Variants in GOLIM4 observed in about 807,000 individuals in gnomAD.
GOLIM4 encodes golgi integral membrane protein 4.
In GOLIM4, 71 loss-of-function variants were observed where a neutral mutation model predicts 107.4. The ratio of observed to expected loss-of-function variants is 0.66; its 90% CI spans 0.55 to 0.81. The LOEUF is 0.81. Ranked by LOEUF, GOLIM4 falls within the 30% of genes least tolerant of loss-of-function variation. The pLI, the probability that GOLIM4 is intolerant of heterozygous loss-of-function variation, is 0.00. For synonymous variants in GOLIM4, 327 were observed against 294.8 expected, an observed-to-expected ratio of 1.11 and a Z score of -1.12; for missense variants, 830 against 826.1, an observed-to-expected ratio of 1.00 and a Z score of -0.06.
intron 1 of GOLIM4, among the ~76,000 whole-genome samples, chr3:168,073,973 T>C (rs2108281264): frequency 6.6e-6 from 1 of 152,292 alleles, no homozygotes; most frequent in African/African-American, 2.4e-5. Context: ...CCAAGTGGTG[T>C]TATGTCACCA....
At position 168,047,045 on chromosome 3, in the gene GOLIM4, G is replaced by C. The variant is rs376867411; in HGVS notation, c.263-46C>G. On this transcript the variant is annotated intron_variant, in intron 2 of 15. Coordinates refer to ENST00000470487, the MANE Select transcript of GOLIM4 (RefSeq NM_014498.5). ...AAAAACAGTGATAATTCACTACACA[G>C]ATTTTAAACATCTAAAGAAATAAAG... The C allele has an allele frequency of 2.0e-5, 17 of 871,216 alleles. No homozygotes were observed. The East Asian group carries it at 2.0e-4, about 10-fold the overall frequency. The allele number at this position is 871,216 out of a possible 1,614,324, so 54.0% of individuals were successfully genotyped here. A position where few individuals can be genotyped will look rare whatever the true frequency, so the allele number is the denominator to read the frequency against.
At position 168,095,276 on chromosome 3, in the gene GOLIM4, C is replaced by T; in HGVS notation, c.10G>A (p.Gly4Arg). 3 of 1,612,452 alleles carry T rather than the reference C, an allele frequency of 1.9e-6. No individual in the cohort carries two copies. The highest frequency in any genetic ancestry group is 2.2e-5 in the South Asian group (2 of 90,966). MGN[G>R]MCSRKQKRIF... ...CGCTTCTGCTTTCGGGAGCACATCC[C>T]GTTTCCCATAGTCCCGCCTGGACCC... Residue 4 changes from glycine to arginine, a missense_variant, in exon 1 of 16, where the codon GGG (glycine) becomes AGG (arginine). By Grantham distance (125) the Gly-to-Arg change is moderately radical (BLOSUM62 -2). Coordinates refer to ENST00000470487, the MANE Select transcript of GOLIM4 (RefSeq NM_014498.5).
At chr3:168,039,153 T>G (rs1021642823) in intron 7 of GOLIM4, among the ~76,000 whole-genome samples, 1 of 151,986 alleles carries the variant, frequency 6.6e-6, no homozygotes, top group Non-Finnish European at 1.5e-5. Flanking sequence ...TAATTAAGGA[T>G]TGCACCTAGT....
chr3:168,071,770 G>T (rs1196360234), intron 1 of GOLIM4, among the ~76,000 whole-genome samples: 1 of 151,900 alleles, frequency 6.6e-6, no homozygotes. Context: ...GGTAATTCAT[G>T]GATGCTGTAG....
At chr3:168,033,606 C>CAA (rs61728774) in intron 8 of GOLIM4, among the ~76,000 whole-genome samples, 1,474 of 31,294 alleles carry the variant, frequency 0.047, 470 homozygotes, top group Middle Eastern at 0.13. Flanking sequence ...GACTCCGTCT[C>CAA]AAAAAAAAAA....
Position 168,027,724 on chromosome 3 carries a change from T to C in GOLIM4, c.1623+4A>G. Reference sequence around the variant, plus strand: ...GTGTCAGGGGCAGAAGAGAGGATACTTACATCTGCCTCAGATTCTGGGTCG... The same window carrying C: ...GTGTCAGGGGCAGAAGAGAGGATACCTACATCTGCCTCAGATTCTGGGTCG... On this transcript the variant is annotated splice_donor_region_variant and intron_variant, in intron 12 of 15. Transcript: ENST00000470487. 1.9e-6 allele frequency: 3 copies of C among 1,564,048 alleles called. No homozygotes were observed. The highest frequency in any genetic ancestry group is 2.7e-5 in the African/African-American group (2 of 74,086).
At chr3:168,073,939 G>A (rs539253536) in intron 1 of GOLIM4, among the ~76,000 whole-genome samples, 10 of 152,238 alleles carry the variant, frequency 6.6e-5, no homozygotes, top group African/African-American at 1.4e-4. Flanking sequence ...CCATAATGGG[G>A]CTGGCTGACT....
At chr3:168,034,531 G>T (rs951170217) in intron 8 of GOLIM4, among the ~76,000 whole-genome samples, 1 of 152,204 alleles carries the variant, frequency 6.6e-6, no homozygotes, top group Admixed American at 6.5e-5. Context: ...GCTCATATAT[G>T]AAGTCTACTC....
intron 1 of GOLIM4, among the ~76,000 whole-genome samples, chr3:168,058,174 T>C (rs1720080423): frequency 6.6e-6 from 1 of 152,222 alleles, no homozygotes; most frequent in African/African-American, 2.4e-5. Context: ...AAAGTTACTG[T>C]AATAGTTCAC....
intron 1 of GOLIM4, among the ~76,000 whole-genome samples, chr3:168,061,229 T>C (rs1720256618): frequency 6.6e-6 from 1 of 151,960 alleles, no homozygotes; most frequent in Non-Finnish European, 1.5e-5. Context: ...AGTGCTCAAC[T>C]AAATTAGTTA....
chr3:168,074,513 A>G (rs1280712971), intron 1 of GOLIM4, among the ~76,000 whole-genome samples: 1 of 152,216 alleles, frequency 6.6e-6, no homozygotes, highest in African/African-American at 2.4e-5. Flanking sequence ...GAACAGCTAA[A>G]AAGCCCACAT....
At chr3:168,073,238 T>C (rs891349879) in intron 1 of GOLIM4, among the ~76,000 whole-genome samples, 3 of 152,232 alleles carry the variant, frequency 2.0e-5, no homozygotes, top group East Asian at 1.9e-4. Context: ...TCCTTACCAA[T>C]AGGACTTCTT....
intron 8 of GOLIM4, 29 bp downstream of exon 8, chr3:168,036,807 A>C: frequency 6.4e-7 from 1 of 1,559,986 alleles, no homozygotes; most frequent in Non-Finnish European, 8.7e-7. Context: ...AAGTGACCTA[A>C]CCATAGATTA....
intron 15 of GOLIM4, 72 bp from the exon 16 acceptor site, chr3:168,010,490 CA>C: frequency 9.1e-7 from 1 of 1,094,744 alleles, no homozygotes; most frequent in Non-Finnish European, 1.3e-6. Flanking sequence ...TCTCTAAAAA[CA>C]GGATGAAAAA....
At chr3:168,074,345 A>G (rs1478991630) in intron 1 of GOLIM4, among the ~76,000 whole-genome samples, 1 of 152,250 alleles carries the variant, frequency 6.6e-6, no homozygotes, top group Non-Finnish European at 1.5e-5. Flanking sequence ...TACATGACAA[A>G]TAACTAGTCA....
intron 1 of GOLIM4, among the ~76,000 whole-genome samples, chr3:168,077,847 T>C (rs1048750455): frequency 1.3e-5 from 2 of 152,176 alleles, no homozygotes; most frequent in African/African-American, 2.4e-5. Context: ...AACTATAATA[T>C]ACAGAATAAG....
chr3:168,089,789 G>T (rs1486777025), intron 1 of GOLIM4, among the ~76,000 whole-genome samples: 14 of 139,060 alleles, frequency 1.0e-4, no homozygotes, highest in Admixed American at 6.3e-4. Context: ...TTTTTTTTGA[G>T]ACAGAGTCTC....
chr3:168,046,473 G>A (rs1466164246), intron 3 of GOLIM4, among the ~76,000 whole-genome samples: 2 of 152,196 alleles, frequency 1.3e-5, no homozygotes, highest in East Asian at 1.9e-4. Flanking sequence ...TGTGTCCCTG[G>A]GTACTTGAGA....
At chr3:168,039,625 T>A (rs1355799106) in intron 7 of GOLIM4, among the ~76,000 whole-genome samples, 1 of 152,160 alleles carries the variant, frequency 6.6e-6, no homozygotes, top group Non-Finnish European at 1.5e-5. Context: ...ACTCCAGAAT[T>A]TGGTTTTGGT....
Sources: allele counts gnomAD v4.1 joint callset (sites outside exome capture counted in the v4.1 genomes callset), GRCh38; gene constraint gnomAD v4.1.1; transcripts MANE v1.5; gene names NCBI Gene and HGNC (gene_info 2026-07-23, HGNC 2026-07-21).